Variants in NRXN3 observed in about 807,000 individuals in gnomAD.
The protein encoded by NRXN3 is neurexin 3, also known as neurexin III.
In NRXN3, 32 loss-of-function variants were observed where a neutral mutation model predicts 137.6. The ratio of observed to expected loss-of-function variants is 0.23; its 90% confidence interval spans 0.18 to 0.31. The LOEUF (loss-of-function observed/expected upper bound fraction) is 0.31. Ranked by LOEUF, NRXN3 falls within the 10% of genes least tolerant of loss-of-function variation. The pLI, the probability that NRXN3 is intolerant of heterozygous loss-of-function variation, is 1.00. For missense variants in NRXN3, 1,574 were observed against 2,062.5 expected, an observed-to-expected ratio of 0.76 and a Z score of 4.59; for synonymous variants, 798 against 784.5, an observed-to-expected ratio of 1.02 and a Z score of -0.29.
chr14:78,480,288 C>G (rs1458505703), intron 4 of NRXN3, among the ~76,000 whole-genome samples: 1 of 152,182 alleles, frequency 6.6e-6, no homozygotes, highest in Non-Finnish European at 1.5e-5. Context: ...TTCAAAACCA[C>G]ACTTGGCACA....
intron 4 of NRXN3, among the ~76,000 whole-genome samples, chr14:78,436,275 C>T (rs1290293823): frequency 6.6e-6 from 1 of 152,162 alleles, no homozygotes; most frequent in Non-Finnish European, 1.5e-5. Context: ...AGTAATGATG[C>T]CAACCGCCCC....
Position 78,343,350 on chromosome 14 carries a change from A to C in NRXN3, c.757+45490A>C, listed in dbSNP as rs73308925. The stretch of plus-strand genomic sequence containing the variant: ...AAATGGCACAAAACTGAATTTAAAC[A>C]TTAAAGCATCAATGTTGACATTATC... On this transcript the variant is annotated intron_variant, in intron 4 of 20. Transcript: ENST00000335750. Among the ~76,000 whole-genome samples, 1,482 of 152,322 alleles carry C rather than the reference A, an allele frequency of 9.7e-3. 23 individuals carry two copies. Among genetic ancestry groups the C allele is most frequent in the African/African-American group, 0.034 (1,396 of 41,572 alleles).
intron 4 of NRXN3, among the ~76,000 whole-genome samples, chr14:78,495,354 G>A (rs1287636928): frequency 2.0e-5 from 3 of 151,976 alleles, no homozygotes; most frequent in African/African-American, 4.8e-5. Flanking sequence ...TTTCTCAAAT[G>A]CCAGAATAAA....
At chr14:78,318,892 G>C (rs2079013808) in intron 4 of NRXN3, among the ~76,000 whole-genome samples, 1 of 152,202 alleles carries the variant, frequency 6.6e-6, no homozygotes, top group African/African-American at 2.4e-5. Context: ...TTCTAGGCCA[G>C]TGTGTCTCAC....
rs545968143 is a variant in NRXN3 at position 78,501,358 on chromosome 14, C to G, written c.758-143762C>G. ...ATTTAGTTCCTCACTGGCTATTGGC[C>G]AGATCCCTCCCTCATTGCCTCACCG... On this transcript the variant is annotated intron_variant, in intron 4 of 20. Transcript: ENST00000335750. Among the ~76,000 whole-genome samples the G allele has an allele frequency of 3.0e-4, 46 of 152,248 alleles. No homozygotes were observed. The South Asian group carries it at 9.5e-3, about 32-fold the overall frequency.
intron 19 of NRXN3, among the ~76,000 whole-genome samples, chr14:79,777,520 G>A (rs2099100759): frequency 6.6e-6 from 1 of 151,534 alleles, no homozygotes; most frequent in African/African-American, 2.4e-5. Flanking sequence ...TACCTGGCAT[G>A]TAAACCTAAA....
At position 79,868,081 on chromosome 14, in the gene NRXN3, C is replaced by T. The variant is rs968506732; in HGVS notation, c.*6117C>T. On this transcript the variant is annotated 3_prime_UTR_variant, in exon 21 of 21. Transcript: ENST00000335750. ...CTTTCATACCTATAATTTTGTTATA[C>T]TTATCTTGCAGGTTTCTTGAGAAAT... 4.0e-5 allele frequency: 6 copies of T among 151,886 alleles called. No homozygotes were observed. Among genetic ancestry groups the T allele is most frequent in the African/African-American group, 1.5e-4 (6 of 41,316 alleles). 9.4% of individuals were successfully genotyped at this position (151,886 alleles called of 1,614,324 possible). A position where few individuals can be genotyped will look rare whatever the true frequency, so the allele number is the denominator to read the frequency against.
intron 2 of NRXN3, among the ~76,000 whole-genome samples, chr14:78,257,661 G>A (rs976203724): frequency 6.6e-6 from 1 of 152,208 alleles, no homozygotes; most frequent in Non-Finnish European, 1.5e-5. Context: ...AATGTGGTTG[G>A]ACCAAAGAAT....
intron 3 of NRXN3, among the ~76,000 whole-genome samples, chr14:78,284,122 G>T (rs900570655): frequency 6.6e-6 from 1 of 152,026 alleles, no homozygotes; most frequent in Non-Finnish European, 1.5e-5. Flanking sequence ...TAAATCTTGG[G>T]GCCCCCAAAT....
intron 8 of NRXN3, 25 bp from the exon 9 acceptor site, chr14:78,803,595 G>T (rs377236740): frequency 2.7e-5 from 44 of 1,610,154 alleles, no homozygotes; most frequent in Non-Finnish European, 3.6e-5. Flanking sequence ...TCATCCTAAC[G>T]ATCTTCTCCA....
chr14:78,836,463 C>T (rs1245474969), intron 10 of NRXN3, among the ~76,000 whole-genome samples: 1 of 152,172 alleles, frequency 6.6e-6, no homozygotes, highest in Non-Finnish European at 1.5e-5. Flanking sequence ...GCTCCATGCT[C>T]AGAACATCTG....
rs79034967 is a variant in NRXN3 at position 78,549,338 on chromosome 14, C to T, written c.758-95782C>T. Reference sequence around the variant, plus strand: ...CTTTGCTGTTGCTATGTCATTTCTCCTGAAGGCCCTTCTCCTTCTCTTTGT... The same window carrying T: ...CTTTGCTGTTGCTATGTCATTTCTCTTGAAGGCCCTTCTCCTTCTCTTTGT... On this transcript the variant is annotated intron_variant, in intron 4 of 20. Transcript: ENST00000335750. Among the ~76,000 whole-genome samples, 45 of 152,150 alleles carry T rather than the reference C, an allele frequency of 3.0e-4. No individual in the cohort carries two copies. The East Asian group carries it at 8.5e-3, about 29-fold the overall frequency.
At chr14:78,342,289 T>G (rs933565992) in intron 4 of NRXN3, among the ~76,000 whole-genome samples, 1 of 152,176 alleles carries the variant, frequency 6.6e-6, no homozygotes, top group Non-Finnish European at 1.5e-5. Context: ...TTAGTTGAAC[T>G]TGAGAAATAC....
At chr14:79,495,672 C>T (rs1170058978) in intron 16 of NRXN3, among the ~76,000 whole-genome samples, 5 of 152,098 alleles carry the variant, frequency 3.3e-5, no homozygotes, top group Non-Finnish European at 7.4e-5. Context: ...TACTATTTTA[C>T]AGATAAGAAA....
intron 16 of NRXN3, among the ~76,000 whole-genome samples, chr14:79,606,016 C>T (rs1036328663): frequency 3.9e-5 from 6 of 152,178 alleles, no homozygotes; most frequent in Non-Finnish European, 8.8e-5. Flanking sequence ...GCTTGAACTC[C>T]AGGCTGTGGC....
intron 15 of NRXN3, among the ~76,000 whole-genome samples, chr14:79,360,889 T>G (rs1444475668): frequency 6.6e-6 from 1 of 152,206 alleles, no homozygotes; most frequent in East Asian, 1.9e-4. Context: ...AGATAATGTG[T>G]GAACAATCTG....
At chr14:78,722,680 C>T (rs2098465536) in intron 8 of NRXN3, among the ~76,000 whole-genome samples, 1 of 152,342 alleles carries the variant, frequency 6.6e-6, no homozygotes. Context: ...TTATTATCCT[C>T]ACTTTCTACG....
chr14:79,288,081 A>G (rs2082576810), intron 15 of NRXN3, among the ~76,000 whole-genome samples: 1 of 152,182 alleles, frequency 6.6e-6, no homozygotes, highest in African/African-American at 2.4e-5. Flanking sequence ...GTCTGCCAGT[A>G]TTTTATAGGT....
At chr14:78,302,276 A>G (rs1471482141) in intron 4 of NRXN3, among the ~76,000 whole-genome samples, 1 of 152,038 alleles carries the variant, frequency 6.6e-6, no homozygotes, top group African/African-American at 2.4e-5. Flanking sequence ...TCTTTCTCGG[A>G]GTCACTGCTA....
Sources: gnomAD v4.1 joint callset for allele counts (sites outside exome capture counted in the v4.1 genomes callset) on GRCh38, gnomAD v4.1.1 for gene constraint, MANE v1.5 for transcripts, NCBI Gene and HGNC (gene_info 2026-07-23, HGNC 2026-07-21) for gene names.